The following PLXNA4 variants were observed in gnomAD, a reference collection of about 807,000 sequenced individuals.
PLXNA4 encodes the protein plexin A4.
In PLXNA4, 44 loss-of-function variants were observed where a neutral mutation model predicts 191.8. That is an observed-to-expected ratio of 0.23 (90% CI 0.18 to 0.29). The LOEUF is 0.29. PLXNA4 is among the 10% of genes least tolerant of loss of function. The pLI is 1.00. For synonymous variants in PLXNA4, 1,082 were observed against 1,009.5 expected, an observed-to-expected ratio of 1.07 and a Z score of -1.36; for missense variants, 1,800 against 2,488.8, an observed-to-expected ratio of 0.72 and a Z score of 5.89.
intron 10 of PLXNA4, 89 bp downstream of exon 10, chr7:132,210,854 G>A: frequency 2.8e-6 from 4 of 1,433,466 alleles, no homozygotes; most frequent in South Asian, 2.4e-5. Flanking sequence ...AACGACTGCA[G>A]GGCTGAGCTG....
intron 24 of PLXNA4, among the ~76,000 whole-genome samples, chr7:132,162,501 A>G (rs1445599991): frequency 1.3e-5 from 2 of 152,124 alleles, no homozygotes; most frequent in Non-Finnish European, 2.9e-5. Flanking sequence ...ATTACAACTG[A>G]TTGTGTTGGA....
At chr7:132,331,719 G>A (rs1802597352) in intron 3 of PLXNA4, among the ~76,000 whole-genome samples, 1 of 152,096 alleles carries the variant, frequency 6.6e-6, no homozygotes, top group Non-Finnish European at 1.5e-5. Context: ...CCTCTCCAGG[G>A]GTCCCAAAGC....
chr7:132,540,709 T>C (rs1265230723), intron 1 of PLXNA4, among the ~76,000 whole-genome samples: 1 of 147,846 alleles, frequency 6.8e-6, no homozygotes, highest in Non-Finnish European at 1.5e-5. Context: ...TGCCTCAGCC[T>C]CCCGAGTAGC....
At chr7:132,550,489 G>C (rs936173277) in intron 1 of PLXNA4, among the ~76,000 whole-genome samples, 1 of 152,358 alleles carries the variant, frequency 6.6e-6, no homozygotes, top group African/African-American at 2.4e-5. Flanking sequence ...ATGAGAGGGA[G>C]GGGTCAGCAT....
chr7:132,287,878 C>T (rs1183785239), intron 4 of PLXNA4, among the ~76,000 whole-genome samples: 4 of 152,174 alleles, frequency 2.6e-5, no homozygotes, highest in Non-Finnish European at 5.9e-5. Context: ...AACCAAGGGA[C>T]CTCCTTCATG....
intron 2 of PLXNA4, among the ~76,000 whole-genome samples, chr7:132,582,960 C>T (rs1802433171): frequency 6.6e-6 from 1 of 152,174 alleles, no homozygotes; most frequent in Non-Finnish European, 1.5e-5. Flanking sequence ...CTTCAGAGCT[C>T]CGGGGTTAAA....
intron 3 of PLXNA4, chr7:132,384,370 A>G (rs1049387910): frequency 1.0e-6 from 1 of 985,406 alleles, no homozygotes; most frequent in African/African-American, 1.7e-5. Flanking sequence ...AAATGATAGG[A>G]GCACATGACA....
At position 132,164,272 on chromosome 7, in the gene PLXNA4, G is replaced by A; in HGVS notation, c.4370C>T (p.Pro1457Leu). The change falls in exon 24 of 32, where the codon CCC becomes CTC. Residue 1457 changes from proline (P) to leucine (L), a missense_variant. Coordinates refer to ENST00000321063, the MANE Select transcript of PLXNA4 (RefSeq NM_020911.2). Reference protein sequence around the residue: ...YKFLKECAGEPLFSLFCAIKQ... With the variant: ...YKFLKECAGELLFSLFCAIKQ... ...GATGGCACAGAACAGGGAGAAGAGG[G>A]GCTCCCCAGCACACTCCTGGAGGTG... The A allele has an allele frequency of 6.2e-7, 1 of 1,614,142 alleles. No homozygotes were observed. The highest frequency in any genetic ancestry group is 8.5e-7 in the Non-Finnish European group (1 of 1,180,018).
chr7:132,647,262 G>C (rs1246627939), intron 1 of PLXNA4, among the ~76,000 whole-genome samples: 3 of 136,580 alleles, frequency 2.2e-5, no homozygotes, highest in Non-Finnish European at 4.7e-5. Flanking sequence ...CAGACATGCA[G>C]TCACACATAT....
rs1422761471 is a variant in PLXNA4, at chr7:132,126,192, G to C, written c.*4287C>G. ...CATCGTTCACGGCTCTGGAAACAGT[G>C]GTAAGGATTCTTCTTGCAGTGGAGG... On this transcript the variant is annotated 3_prime_UTR_variant, in exon 32 of 32. Coordinates refer to ENST00000321063, the MANE Select transcript of PLXNA4 (RefSeq NM_020911.2). 6.6e-6 allele frequency: 1 copy of C among 152,398 alleles called. No homozygotes were observed. Among genetic ancestry groups the C allele is most frequent in the African/African-American group, 2.4e-5 (1 of 41,428 alleles). The allele number at this position is 152,398 out of a possible 1,614,324, so 9.4% of individuals were successfully genotyped here.
At position 132,508,433 on chromosome 7, in the gene PLXNA4, C is replaced by T; in HGVS notation, c.261G>A (p.Gly87=). Residue 87 remains glycine (G), a synonymous_variant, in exon 2 of 32, where the codon GGG becomes GGA. Coordinates refer to ENST00000321063, the MANE Select transcript of PLXNA4 (RefSeq NM_020911.2). This position sits in a 1 kb window ranked among gnomAD's most constrained non-coding sequence, Gnocchi z 4.4. ...DLKVLVTHET[G]PDEDNPKCYP... ...AACACTTGGGGTTGTCCTCGTCCGG[C>T]CCTGTCTCATGCGTCACCAAGACCT... The T allele has an allele frequency of 1.9e-6, 3 of 1,614,160 alleles. No individual in the cohort carries two copies. The highest frequency in any genetic ancestry group is 1.1e-5 in the South Asian group (1 of 91,080).
At chr7:132,460,631 T>G (rs1472426612) in intron 3 of PLXNA4, among the ~76,000 whole-genome samples, 1 of 152,136 alleles carries the variant, frequency 6.6e-6, no homozygotes, top group East Asian at 1.9e-4. Flanking sequence ...AAGTCAAACC[T>G]AGCAGGCAAT....
intron 12 of PLXNA4, among the ~76,000 whole-genome samples, chr7:132,200,057 G>C (rs1797382225): frequency 6.6e-6 from 1 of 152,142 alleles, no homozygotes; most frequent in African/African-American, 2.4e-5. Flanking sequence ...CTGGCATCTG[G>C]CAGCAGTGTC....
At chr7:132,256,691 G>C (rs1799443580) in intron 4 of PLXNA4, among the ~76,000 whole-genome samples, 2 of 152,166 alleles carry the variant, frequency 1.3e-5, no homozygotes, top group Admixed American at 1.3e-4. Context: ...AAATTCCCAG[G>C]AGCTGGGCAT....
At chr7:132,444,818 G>A (rs1384655290) in intron 3 of PLXNA4, among the ~76,000 whole-genome samples, 1 of 151,780 alleles carries the variant, frequency 6.6e-6, no homozygotes, top group Non-Finnish European at 1.5e-5. Flanking sequence ...CATTCTTCTG[G>A]ACGTGCAGGA....
intron 3 of PLXNA4, among the ~76,000 whole-genome samples, chr7:132,316,524 A>G (rs532203647): frequency 1.3e-5 from 2 of 152,250 alleles, no homozygotes; most frequent in South Asian, 4.2e-4. Context: ...TAGCCTATAA[A>G]GTACTTAATC....
chr7:132,280,212 C>T (rs1800428787), intron 4 of PLXNA4, among the ~76,000 whole-genome samples: 1 of 152,114 alleles, frequency 6.6e-6, no homozygotes, highest in Non-Finnish European at 1.5e-5. Flanking sequence ...CCCCCTCCCT[C>T]CTCAGAGGCT....
intron 3 of PLXNA4, among the ~76,000 whole-genome samples, chr7:132,397,964 G>A (rs1346608278): frequency 2.0e-5 from 3 of 152,136 alleles, no homozygotes; most frequent in African/African-American, 7.2e-5. Flanking sequence ...CCCAGGCTTT[G>A]CCATCTCACT....
intron 2 of PLXNA4, among the ~76,000 whole-genome samples, chr7:132,618,995 T>C (rs1335394698): frequency 6.6e-6 from 1 of 152,164 alleles, no homozygotes; most frequent in African/African-American, 2.4e-5. Flanking sequence ...TATTTGGAAA[T>C]TTTTTAAATT....
Sources: gnomAD v4.1 joint callset for allele counts (sites outside exome capture counted in the v4.1 genomes callset) on GRCh38, gnomAD v4.1.1 for gene constraint, Gnocchi (gnomAD v3.1) non-coding constraint, MANE v1.5 for transcripts, NCBI Gene and HGNC (gene_info 2026-07-23, HGNC 2026-07-21) for gene names.